CADM1: variants seen among roughly 807,000 people sequenced by gnomAD.
CADM1 encodes cell adhesion molecule 1, also known as TSLC-1.
CADM1 carries 15 observed loss-of-function variants against 53.1 expected under a neutral mutation model. The ratio of observed to expected loss-of-function variants is 0.28; its 90% CI spans 0.19 to 0.44. CADM1 has a LOEUF of 0.44. Among genes scored for constraint, CADM1 ranks in the 20% least tolerant of loss-of-function variants. The pLI is 1.00. For missense variants in CADM1, 434 were observed against 611.3 expected, an observed-to-expected ratio of 0.71 and a Z score of 3.06; for synonymous variants, 281 against 243.0, an observed-to-expected ratio of 1.16 and a Z score of -1.45.
chr11:115,367,466 T>A (rs1946194094), intron 1 of CADM1, among the ~76,000 whole-genome samples: 1 of 152,234 alleles, frequency 6.6e-6, no homozygotes, highest in Admixed American at 6.5e-5. Context: ...ATGTGCTTTT[T>A]AAGTGTTCAT....
At chr11:115,183,481 C>A (rs1367652475) in intron 10 of CADM1, among the ~76,000 whole-genome samples, 2 of 152,176 alleles carry the variant, frequency 1.3e-5, no homozygotes, top group African/African-American at 2.4e-5. Flanking sequence ...AAGCTCCTGG[C>A]AAATAGGGAC....
intron 1 of CADM1, among the ~76,000 whole-genome samples, chr11:115,482,093 C>A (rs1398277155): frequency 3.3e-5 from 5 of 152,196 alleles, no homozygotes; most frequent in African/African-American, 1.2e-4. Context: ...CAGAATCCCC[C>A]ATGCTTTTGT....
chr11:115,468,561 T>C (rs1415957115), intron 1 of CADM1, among the ~76,000 whole-genome samples: 1 of 152,198 alleles, frequency 6.6e-6, no homozygotes, highest in African/African-American at 2.4e-5. Flanking sequence ...GTGTGAGTGC[T>C]GTGCATGTGT....
chr11:115,312,083 G>A (rs748786057), intron 1 of CADM1, among the ~76,000 whole-genome samples: 16 of 152,070 alleles, frequency 1.1e-4, no homozygotes, highest in South Asian at 2.1e-4. Flanking sequence ...TCACAGTCTG[G>A]TACAGAAGAG....
At chr11:115,374,656 C>A (rs1465453806) in intron 1 of CADM1, among the ~76,000 whole-genome samples, 1 of 151,884 alleles carries the variant, frequency 6.6e-6, no homozygotes, top group Non-Finnish European at 1.5e-5. Context: ...CTCCCATACC[C>A]CAAAAAAGAA....
chr11:115,480,335 T>A (rs930255132), intron 1 of CADM1, among the ~76,000 whole-genome samples: 3 of 152,128 alleles, frequency 2.0e-5, no homozygotes, highest in Admixed American at 1.3e-4. Flanking sequence ...TAATAATCCT[T>A]ATCAAGGAGG....
At chr11:115,502,061 G>T (rs1413122632) in intron 1 of CADM1, among the ~76,000 whole-genome samples, 1 of 152,116 alleles carries the variant, frequency 6.6e-6, no homozygotes, top group Non-Finnish European at 1.5e-5. Flanking sequence ...ATGGTAACTG[G>T]CAACAGAATT....
At chr11:115,453,398 A>C (rs1223933665) in intron 1 of CADM1, among the ~76,000 whole-genome samples, 2 of 152,112 alleles carry the variant, frequency 1.3e-5, no homozygotes, top group South Asian at 2.1e-4. Context: ...AAAAAAAAAA[A>C]ACAAGAAAAG....
intron 1 of CADM1, among the ~76,000 whole-genome samples, chr11:115,286,611 G>A (rs756513377): frequency 2.0e-5 from 3 of 152,152 alleles, no homozygotes; most frequent in Non-Finnish European, 4.4e-5. Context: ...TGCTTCAAAC[G>A]CAGTCCATGG....
At chr11:115,447,796 G>T (rs1437024422) in intron 1 of CADM1, among the ~76,000 whole-genome samples, 1 of 152,176 alleles carries the variant, frequency 6.6e-6, no homozygotes, top group Non-Finnish European at 1.5e-5. Context: ...ATATTAGAGG[G>T]TGGAATTCCA....
At position 115,486,071 on chromosome 11, in the gene CADM1, C is replaced by A. The variant is rs569379788; in HGVS notation, c.124+18200G>T. On this transcript the variant is annotated intron_variant, in intron 1 of 11. Coordinates refer to ENST00000331581, the MANE Select transcript of CADM1 (RefSeq NM_001301043.2). Reference sequence around the variant, plus strand: ...TTCTATTATTTGTTTTCCCTCAATCCCCATTCTCTAGTCAGCCATCAATGG... The same window carrying A: ...TTCTATTATTTGTTTTCCCTCAATCACCATTCTCTAGTCAGCCATCAATGG... Among the ~76,000 whole-genome samples the A allele has an allele frequency of 2.6e-5, 4 of 152,240 alleles. No individual in the cohort carries two copies. In the South Asian group the frequency reaches 8.3e-4, roughly 32 times the overall value.
intron 1 of CADM1, among the ~76,000 whole-genome samples, chr11:115,458,863 C>T (rs530714942): frequency 2.0e-5 from 3 of 152,118 alleles, no homozygotes; most frequent in African/African-American, 7.2e-5. Context: ...TACATCCTCA[C>T]AAAGATCTAA....
At chr11:115,349,259 A>G (rs1367690197) in intron 1 of CADM1, among the ~76,000 whole-genome samples, 1 of 152,228 alleles carries the variant, frequency 6.6e-6, no homozygotes, top group African/African-American at 2.4e-5. Context: ...TTTAAAAATC[A>G]AGACTAAAAT....
intron 1 of CADM1, among the ~76,000 whole-genome samples, chr11:115,268,992 T>C (rs183558304): frequency 3.3e-5 from 5 of 152,276 alleles, no homozygotes; most frequent in African/African-American, 1.2e-4. Context: ...GAGGTAAACA[T>C]GCTTGGGTGT....
intron 5 of CADM1, among the ~76,000 whole-genome samples, chr11:115,222,476 A>G (rs1005351803): frequency 2.6e-5 from 4 of 152,202 alleles, no homozygotes; most frequent in African/African-American, 9.7e-5. Context: ...GAGGAGTTAA[A>G]GAGAACATCT....
rs949567687 is a variant in CADM1 at position 115,504,398 on chromosome 11, G to A, written c.-4C>T. The stretch of plus-strand genomic sequence containing the variant: ...TCGGCAGCACTACACTCGCCATGTC[G>A]GGCACCTGCCTCAGACTGGCGGCGT... On this transcript the variant is annotated 5_prime_UTR_variant, in exon 1 of 12. Transcript: ENST00000331581. The A allele has an allele frequency of 1.2e-5, 18 of 1,545,072 alleles. No individual in the cohort carries two copies. Among genetic ancestry groups the A allele is most frequent in the Non-Finnish European group, 1.5e-5 (17 of 1,146,006 alleles).
At chr11:115,401,003 C>G (rs1284192239) in intron 1 of CADM1, among the ~76,000 whole-genome samples, 5 of 151,956 alleles carry the variant, frequency 3.3e-5, no homozygotes, top group African/African-American at 1.2e-4. Context: ...GGTATTTACC[C>G]AAGAGTTGAA....
Position 115,178,579 on chromosome 11 carries a change from T to C in CADM1, c.1297+65A>G, listed in dbSNP as rs1591576879. 3 of 1,563,688 alleles carry C rather than the reference T, an allele frequency of 1.9e-6. No homozygotes were observed. The African/African-American group carries it at 4.1e-5, about 21-fold the overall frequency. ...TCAAATTGCCTATCAAGGACAACCTTGTAAAGTCTCCAAAGGCAGAAGCTG... is the reference window on the plus strand; with the variant it reads ...TCAAATTGCCTATCAAGGACAACCTCGTAAAGTCTCCAAAGGCAGAAGCTG... On this transcript the variant is annotated intron_variant, in intron 11 of 11. Coordinates refer to ENST00000331581, the MANE Select transcript of CADM1 (RefSeq NM_001301043.2).
chr11:115,303,498 A>G (rs185422579), intron 1 of CADM1, among the ~76,000 whole-genome samples: 1 of 152,182 alleles, frequency 6.6e-6, no homozygotes, highest in Admixed American at 6.5e-5. Flanking sequence ...TTGATTCTGT[A>G]TCTGATAGTT....
Sources: gnomAD v4.1 joint callset for allele counts (sites outside exome capture counted in the v4.1 genomes callset) on GRCh38, gnomAD v4.1.1 for gene constraint, MANE v1.5 for transcripts, NCBI Gene and HGNC (gene_info 2026-07-23, HGNC 2026-07-21) for gene names.